The following PCDHGA10 variants were observed in gnomAD, a reference collection of about 807,000 sequenced individuals.
PCDHGA10 encodes the protein protocadherin gamma-A10.
In PCDHGA10, 42 loss-of-function variants were observed where a neutral mutation model predicts 59.5. The observed-to-expected ratio is 0.71, with a 90% CI of 0.55 to 0.91. The LOEUF is 0.91. PCDHGA10 is among the 40% of genes least tolerant of loss of function. The pLI is 0.00. For synonymous variants in PCDHGA10, 511 were observed against 517.2 expected, an observed-to-expected ratio of 0.99 and a Z score of 0.16; for missense variants, 1,111 against 1,198.2, an observed-to-expected ratio of 0.93 and a Z score of 1.07.
chr5:141,423,253 C>G (rs750278899), intron 1 of PCDHGA10: 1 of 1,613,916 alleles, frequency 6.2e-7, no homozygotes, highest in Admixed American at 1.7e-5. Flanking sequence ...CCTGGCGGAC[C>G]TCGGCAGCCT....
At chr5:141,455,740 G>C (rs2098830344) in intron 1 of PCDHGA10, among the ~76,000 whole-genome samples, 1 of 152,136 alleles carries the variant, frequency 6.6e-6, no homozygotes, top group Non-Finnish European at 1.5e-5. Context: ...GCATATCAAA[G>C]GTTGCTGGCC....
rs1321418691 is a variant in PCDHGA10 at position 141,415,281 on chromosome 5, C to T, written c.2106C>T (p.Ala702=). The part of the protein sequence containing the change: ...DLTLYLVVAV[A]AVSCVFLAFV... ...CTCTGTACCTGGTGGTAGCGGTGGC[C>T]GCGGTCTCCTGCGTCTTCCTGGCCT... Residue 702 remains alanine, a synonymous_variant, in exon 1 of 4, where the codon GCC becomes GCT. Transcript: ENST00000398610. 6.2e-7 allele frequency: 1 copy of T among 1,614,080 alleles called. No individual in the cohort carries two copies. The highest frequency in any genetic ancestry group is 1.3e-5 in the African/African-American group (1 of 74,940).
At position 141,445,006 on chromosome 5, in the gene PCDHGA10, G is replaced by A. The variant is rs550056654; in HGVS notation, c.2436+29395G>A. Among the ~76,000 whole-genome samples, 51 of 152,044 alleles carry A rather than the reference G, an allele frequency of 3.4e-4. 2 individuals are homozygous for A. The South Asian group carries it at 9.6e-3, about 28-fold the overall frequency. ...CATGGTATATATTTCCATTTAATTA[G>A]GTCTTTAATTTCTCTCAGCTATGTT... On this transcript the variant is annotated intron_variant, in intron 1 of 3. Transcript: ENST00000398610.
In PCDHGA10 at chr5:141,413,528, T is replaced by C; in HGVS notation, c.353T>C (p.Val118Ala). The C allele has an allele frequency of 6.2e-7, 1 of 1,613,834 alleles. No individual in the cohort carries two copies. The highest frequency in any genetic ancestry group is 8.5e-7 in the Non-Finnish European group (1 of 1,179,892). Residue 118 changes from valine to alanine, a missense_variant, in exon 1 of 4, where the codon GTG becomes GCG. Coordinates refer to ENST00000398610, the MANE Select transcript of PCDHGA10 (RefSeq NM_018913.3). ...TTTAATATCCTTGTGGAAGACAGGG[T>C]GAAACTTTTTGGGATAGAAATAGAA... ...VSFNILVEDR[V>A]KLFGIEIEVT...
chr5:141,492,037 C>A (rs556842734), intron 1 of PCDHGA10: 94 of 538,798 alleles, frequency 1.7e-4, no homozygotes, highest in Non-Finnish European at 2.5e-4. Flanking sequence ...AGGAGGCAGT[C>A]ACAGATCCAC....
intron 1 of PCDHGA10, among the ~76,000 whole-genome samples, chr5:141,429,903 T>C (rs1276564046): frequency 2.0e-5 from 3 of 152,252 alleles, no homozygotes; most frequent in African/African-American, 7.2e-5. Flanking sequence ...TAAATATTTT[T>C]GAAATATAAT....
chr5:141,422,775 T>G (rs1179216247), intron 1 of PCDHGA10: 1 of 1,614,046 alleles, frequency 6.2e-7, no homozygotes, highest in Non-Finnish European at 8.5e-7. Context: ...GTGTTCTCTA[T>G]GCCCTACAAT....
At chr5:141,480,702 C>T (rs1455955207) in intron 1 of PCDHGA10, among the ~76,000 whole-genome samples, 1 of 152,170 alleles carries the variant, frequency 6.6e-6, no homozygotes, top group African/African-American at 2.4e-5. Context: ...AGGCCACACC[C>T]CGACAAATGA....
intron 2 of PCDHGA10, among the ~76,000 whole-genome samples, chr5:141,500,904 C>T (rs2099803610): frequency 6.6e-6 from 1 of 151,662 alleles, no homozygotes; most frequent in Non-Finnish European, 1.5e-5. Context: ...CAGTCTCGCT[C>T]TGTCTCCAGG....
At chr5:141,419,556 C>A (rs202164819) in intron 1 of PCDHGA10, 227 of 1,611,892 alleles carry the variant, frequency 1.4e-4, no homozygotes, top group Non-Finnish European at 8.6e-5. Context: ...CTGTACCCTG[C>A]GCTGGGTCCC....
At chr5:141,421,461 G>C (rs1216014695) in intron 1 of PCDHGA10, 2 of 1,614,034 alleles carry the variant, frequency 1.2e-6, no homozygotes, top group Non-Finnish European at 8.5e-7. Context: ...TTTTCGCTGT[G>C]AATCCGCGAA....
chr5:141,415,508 A>G lies in PCDHGA10; in HGVS notation c.2333A>G (p.Asn778Ser). ...AGTCACCTGATCTTCCCCCAGCCCA[A>G]TTATGCGGACACGCTCATCAGCCAG... Reference protein sequence around the residue: ...RKSHLIFPQPNYADTLISQES... With the variant: ...RKSHLIFPQPSYADTLISQES... Residue 778 changes from asparagine (N) to serine (S), a missense_variant, in exon 1 of 4, where the codon AAT becomes AGT. By Grantham distance (46) the Asn-to-Ser change is conservative. Coordinates refer to ENST00000398610, the MANE Select transcript of PCDHGA10 (RefSeq NM_018913.3). 1.2e-6 allele frequency: 2 copies of G among 1,614,168 alleles called. No individual in the cohort carries two copies. Among genetic ancestry groups the G allele is most frequent in the Non-Finnish European group, 1.7e-6 (2 of 1,180,030 alleles).
chr5:141,423,513 G>A, intron 1 of PCDHGA10: 2 of 1,613,750 alleles, frequency 1.2e-6, no homozygotes. Context: ...CTCTCATTGC[G>A]GACTCGCAGA....
intron 1 of PCDHGA10, chr5:141,427,677 C>T: frequency 1.2e-6 from 1 of 816,672 alleles, no homozygotes; most frequent in Non-Finnish European, 2.1e-6. Flanking sequence ...AAACAACCTT[C>T]CCGGAGCCTC....
At chr5:141,456,057 C>T (rs2098842079) in intron 1 of PCDHGA10, among the ~76,000 whole-genome samples, 1 of 151,914 alleles carries the variant, frequency 6.6e-6, no homozygotes, top group South Asian at 2.1e-4. Context: ...ACCACCACGT[C>T]CGGCTAATTT....
At chr5:141,479,048 C>A (rs1253895615) in intron 1 of PCDHGA10, among the ~76,000 whole-genome samples, 1 of 152,150 alleles carries the variant, frequency 6.6e-6, no homozygotes, top group Admixed American at 6.5e-5. Flanking sequence ...GTACCTCATT[C>A]TCAGATAATT....
chr5:141,505,779 T>G (rs1420143439), intron 3 of PCDHGA10, among the ~76,000 whole-genome samples: 1 of 139,496 alleles, frequency 7.2e-6, no homozygotes, highest in Non-Finnish European at 1.6e-5. Flanking sequence ...GTCCTAGCTC[T>G]GCTACTATCC....
At chr5:141,500,116 C>T (rs1458562489) in intron 2 of PCDHGA10, among the ~76,000 whole-genome samples, 4 of 149,046 alleles carry the variant, frequency 2.7e-5, no homozygotes, top group Admixed American at 2.0e-4. Context: ...GAATCCCTGC[C>T]TTTTCATATA....
chr5:141,502,601 A>G (rs2099815205), intron 2 of PCDHGA10, among the ~76,000 whole-genome samples: 1 of 152,218 alleles, frequency 6.6e-6, no homozygotes, highest in Non-Finnish European at 1.5e-5. Flanking sequence ...ATATTTTAAA[A>G]TATTTGTGAA....
Sources: gnomAD v4.1 joint callset for allele counts (sites outside exome capture counted in the v4.1 genomes callset) on GRCh38, gnomAD v4.1.1 for gene constraint, MANE v1.5 for transcripts, NCBI Gene and HGNC (gene_info 2026-07-23, HGNC 2026-07-21) for gene names.